The following EYS variants were observed in gnomAD, a reference collection of about 807,000 sequenced individuals.
EYS encodes the protein protein eyes shut homolog.
Under a neutral mutation model 282.1 loss-of-function variants are expected in EYS, and 250 were observed. The observed-to-expected ratio is 0.89, with a 90% CI of 0.80 to 0.98. The LOEUF is 0.98. Ranked by LOEUF, EYS falls within the 50% of genes least tolerant of loss-of-function variation. EYS has a pLI of 0.00. For synonymous variants in EYS, 1,355 were observed against 1,282.9 expected, an observed-to-expected ratio of 1.06 and a Z score of -1.20; for missense variants, 4,016 against 3,709.0, an observed-to-expected ratio of 1.08 and a Z score of -2.15.
At chr6:64,234,805 T>C (rs1387858052) in intron 30 of EYS, among the ~76,000 whole-genome samples, 1 of 152,060 alleles carries the variant, frequency 6.6e-6, no homozygotes, top group Non-Finnish European at 1.5e-5. Flanking sequence ...ACATATATAG[T>C]TTTGGACTGG....
chr6:65,179,654 T>C (rs1765323225), intron 12 of EYS, among the ~76,000 whole-genome samples: 1 of 152,150 alleles, frequency 6.6e-6, no homozygotes, highest in Admixed American at 6.5e-5. Context: ...CCATTCCTTC[T>C]GAAACTATTC....
intron 12 of EYS, among the ~76,000 whole-genome samples, chr6:65,221,227 G>A (rs566477851): frequency 6.6e-6 from 1 of 152,278 alleles, no homozygotes; most frequent in East Asian, 1.9e-4. Flanking sequence ...AAGTAATGAG[G>A]AGCCAAATGT....
chr6:64,670,498 G>T (rs986167299), intron 22 of EYS, among the ~76,000 whole-genome samples: 3 of 151,864 alleles, frequency 2.0e-5, no homozygotes, highest in Non-Finnish European at 2.9e-5. Context: ...ACCGTGTTAC[G>T]TTTGACCTTT....
At chr6:63,862,756 A>T (rs1772567195) in intron 36 of EYS, among the ~76,000 whole-genome samples, 1 of 152,202 alleles carries the variant, frequency 6.6e-6, no homozygotes, top group African/African-American at 2.4e-5. Flanking sequence ...GAAAGGACAC[A>T]ACTTCAATTC....
In EYS at chr6:65,105,260, C is replaced by A. The variant is rs141996281; in HGVS notation, c.2024-47533G>T. 3.9e-4 allele frequency among the ~76,000 whole-genome samples: 59 copies of A among 151,632 alleles called. 1 individual carries two copies. The highest frequency in any genetic ancestry group is 1.2e-3 in the African/African-American group (51 of 41,370). On this transcript the variant is annotated intron_variant, in intron 12 of 42. Coordinates refer to ENST00000503581, the MANE Select transcript of EYS (RefSeq NM_001142800.2). ...ATGCTAGAAATCAGCTTTGCCTCTA[C>A]TGAAACAATTTCTTCAGTCTTCTAC... is the stretch of plus-strand genomic sequence containing the variant.
chr6:64,484,846 C>G (rs770619890), intron 26 of EYS, among the ~76,000 whole-genome samples: 1 of 151,416 alleles, frequency 6.6e-6, no homozygotes, highest in Admixed American at 6.6e-5. Context: ...AGAAATACAA[C>G]ACATCTTCAA....
intron 39 of EYS, among the ~76,000 whole-genome samples, chr6:63,781,765 A>G (rs1459900413): frequency 6.6e-6 from 1 of 152,138 alleles, no homozygotes; most frequent in Admixed American, 6.5e-5. Flanking sequence ...TGATTGCCCT[A>G]GCCAGAACTT....
chr6:65,481,239 TTAAG>T (rs1341640253), intron 5 of EYS, among the ~76,000 whole-genome samples: 25 of 152,084 alleles, frequency 1.6e-4, no homozygotes, highest in African/African-American at 1.7e-4. Flanking sequence ...AATATAATTA[TTAAG>T]TGTCAACCAA....
intron 26 of EYS, 28 bp downstream of exon 26, chr6:64,590,195 T>A: frequency 6.7e-7 from 1 of 1,487,832 alleles, no homozygotes; most frequent in Non-Finnish European, 8.9e-7. Flanking sequence ...TTTCTAAAAG[T>A]TTACTGAACA....
chr6:64,045,923 T>C (rs1770603893), intron 33 of EYS, among the ~76,000 whole-genome samples: 1 of 147,812 alleles, frequency 6.8e-6, no homozygotes, highest in African/African-American at 2.5e-5. Context: ...ATTATATATG[T>C]AATATATAAT....
At chr6:63,960,995 G>A (rs1766032757) in intron 35 of EYS, among the ~76,000 whole-genome samples, 1 of 152,166 alleles carries the variant, frequency 6.6e-6, no homozygotes, top group Non-Finnish European at 1.5e-5. Flanking sequence ...ACCTGTATGT[G>A]AATCTATTCT....
At chr6:65,608,788 G>T (rs1382305954) in intron 2 of EYS, among the ~76,000 whole-genome samples, 2 of 151,744 alleles carry the variant, frequency 1.3e-5, no homozygotes, top group East Asian at 3.9e-4. Context: ...AAACTTTCTT[G>T]TTAAAAACTA....
chr6:64,632,968 T>C (rs1374870763), intron 22 of EYS, among the ~76,000 whole-genome samples: 1 of 152,192 alleles, frequency 6.6e-6, no homozygotes, highest in Non-Finnish European at 1.5e-5. Context: ...TATTTTCAAA[T>C]GTGTAATTTA....
At chr6:64,425,109 T>G (rs1362097040) in intron 28 of EYS, among the ~76,000 whole-genome samples, 1 of 152,086 alleles carries the variant, frequency 6.6e-6, no homozygotes, top group Non-Finnish European at 1.5e-5. Context: ...TCAAAGTGAA[T>G]GCAGCGTGTG....
At chr6:64,427,455 G>GACCC (rs1163357038) in intron 28 of EYS, among the ~76,000 whole-genome samples, 1 of 152,030 alleles carries the variant, frequency 6.6e-6, no homozygotes, top group African/African-American at 2.4e-5. Flanking sequence ...CCTTTTGGAA[G>GACCC]TGTTCCATAC....
intron 29 of EYS, among the ~76,000 whole-genome samples, chr6:64,350,224 T>C (rs1211442923): frequency 6.6e-6 from 1 of 151,516 alleles, no homozygotes; most frequent in African/African-American, 2.4e-5. Flanking sequence ...AATGTTGGAA[T>C]ATAGATTGAA....
At chr6:65,219,038 T>C (rs1359550421) in intron 12 of EYS, among the ~76,000 whole-genome samples, 1 of 152,120 alleles carries the variant, frequency 6.6e-6, no homozygotes, top group Non-Finnish European at 1.5e-5. Flanking sequence ...TTCTTTATTA[T>C]GATCTCAGCA....
chr6:65,231,735 A>G (rs1036520016), intron 12 of EYS, among the ~76,000 whole-genome samples: 2 of 151,930 alleles, frequency 1.3e-5, no homozygotes, highest in African/African-American at 2.4e-5. Flanking sequence ...ATCTCCTTTG[A>G]AAGACTCCAG....
At chr6:64,579,122 GTGTCTCAGGTCTTTA>G (rs1230642876) in intron 26 of EYS, among the ~76,000 whole-genome samples, 1 of 152,238 alleles carries the variant, frequency 6.6e-6, no homozygotes, top group East Asian at 1.9e-4. Flanking sequence ...GCGAAAGAAT[GTGTCTCAGGTCTTTA>G]TTCCTGTTTT....
Sources: allele counts gnomAD v4.1 joint callset (sites outside exome capture counted in the v4.1 genomes callset), GRCh38; gene constraint gnomAD v4.1.1; transcripts MANE v1.5; gene names NCBI Gene and HGNC (gene_info 2026-07-23, HGNC 2026-07-21).